Variants in VPS54 observed in about 807,000 individuals in gnomAD.
The protein encoded by VPS54 is VPS54 subunit of GARP complex.
Under a neutral mutation model 121.5 loss-of-function variants are expected in VPS54, and 45 were observed. The observed-to-expected ratio is 0.37, with a 90% CI of 0.29 to 0.47. The LOEUF (loss-of-function observed/expected upper bound fraction) is 0.47. Among genes scored for constraint, VPS54 ranks in the 20% least tolerant of loss-of-function variants. The probability of loss-of-function intolerance (pLI) is 0.99; values close to 1 mark genes in which losing one functional copy is unlikely to be tolerated. For synonymous variants in VPS54, 371 were observed against 385.8 expected (o/e 0.96, Z 0.45); for missense variants, 1,090 against 1,131.4 (o/e 0.96, Z 0.52).
intron 12 of VPS54, among the ~76,000 whole-genome samples, chr2:63,933,460 C>T (rs529911524): frequency 6.6e-6 from 1 of 152,274 alleles, no homozygotes; most frequent in South Asian, 2.1e-4. Flanking sequence ...AGTTCTTTTG[C>T]AATCTTAAAA....
At chr2:64,003,274 C>G (rs1677969598) in intron 1 of VPS54, among the ~76,000 whole-genome samples, 1 of 152,120 alleles carries the variant, frequency 6.6e-6, no homozygotes, top group Non-Finnish European at 1.5e-5. Context: ...AAGTTAACTA[C>G]CATCTAGAAA....
chr2:63,907,911 A>C (rs1672975193), intron 20 of VPS54, among the ~76,000 whole-genome samples: 2 of 152,226 alleles, frequency 1.3e-5, no homozygotes, highest in Admixed American at 6.5e-5. Flanking sequence ...TAAAAAATAA[A>C]GTGATGGTGA....
At chr2:63,967,415 G>C (rs745495850) in intron 5 of VPS54, among the ~76,000 whole-genome samples, 1 of 152,070 alleles carries the variant, frequency 6.6e-6, no homozygotes, top group Non-Finnish European at 1.5e-5. Context: ...CAAGGGATGT[G>C]ATAAAATATT....
At chr2:63,990,057 G>A (rs1677241185) in intron 1 of VPS54, among the ~76,000 whole-genome samples, 1 of 152,162 alleles carries the variant, frequency 6.6e-6, no homozygotes, top group African/African-American at 2.4e-5. Context: ...GGGTGATTGG[G>A]CCTTGGTACA....
chr2:63,910,207 C>T (rs919618404), intron 20 of VPS54, among the ~76,000 whole-genome samples: 1 of 152,024 alleles, frequency 6.6e-6, no homozygotes, highest in African/African-American at 2.4e-5. Flanking sequence ...TGAAAGCAAA[C>T]AGAATAGGGA....
intron 11 of VPS54, among the ~76,000 whole-genome samples, chr2:63,937,664 A>AGT (rs937843279): frequency 1.3e-5 from 2 of 152,162 alleles, no homozygotes; most frequent in Non-Finnish European, 2.9e-5. Context: ...AAGAACTAAA[A>AGT]GGGGGCCTCA....
At chr2:63,955,814 T>C (rs1675468674) in intron 7 of VPS54, among the ~76,000 whole-genome samples, 2 of 152,046 alleles carry the variant, frequency 1.3e-5, no homozygotes, top group Admixed American at 6.5e-5. Flanking sequence ...ACTTTGACAA[T>C]AGATGCAATA....
intron 20 of VPS54, among the ~76,000 whole-genome samples, chr2:63,910,010 G>T (rs6704544): frequency 6.6e-6 from 1 of 152,022 alleles, no homozygotes; most frequent in Non-Finnish European, 1.5e-5. Flanking sequence ...TTACAGGCTT[G>T]AGCCACCGTG....
At chr2:63,915,922 T>C (rs1163664180) in intron 16 of VPS54, among the ~76,000 whole-genome samples, 1 of 152,192 alleles carries the variant, frequency 6.6e-6, no homozygotes, top group Non-Finnish European at 1.5e-5. Flanking sequence ...TTAGAAGACA[T>C]ATACATAAAT....
chr2:63,967,967 G>C (rs1038229863), intron 5 of VPS54, among the ~76,000 whole-genome samples: 1 of 152,032 alleles, frequency 6.6e-6, no homozygotes, highest in Non-Finnish European at 1.5e-5. Context: ...GTAAAGCACA[G>C]AGCCATCAAA....
At chr2:63,914,717 A>C (rs2104437906) in intron 16 of VPS54, among the ~76,000 whole-genome samples, 1 of 152,274 alleles carries the variant, frequency 6.6e-6, no homozygotes, top group South Asian at 2.1e-4. Context: ...TAGGTCCTCC[A>C]TCATAACTAA....
chr2:63,982,760 A>G (rs1676857613), intron 2 of VPS54, among the ~76,000 whole-genome samples: 1 of 152,222 alleles, frequency 6.6e-6, no homozygotes, highest in Non-Finnish European at 1.5e-5. Flanking sequence ...ATCACCAACA[A>G]AAAGCTCCAA....
In VPS54 at chr2:63,893,440, T is replaced by C. The variant is rs1672311803; in HGVS notation, c.2924A>G (p.Gln975Arg). Residue 975 changes from glutamine (Q) to arginine (R), a missense_variant, in exon 23 of 23, where the codon CAG becomes CGG. Physicochemically the swap from Gln to Arg is conservative, Grantham distance 43. Around this residue, in one of 2 missense-constraint regions of VPS54, gnomAD observed 289 missense variants for 374.4 expected, o/e 0.77. Transcript: ENST00000272322. ...TTTTCCAGGATGACATCACCTCTTCTGCTCCCAAATTTCGGCCATATTTAG... is the reference window on the plus strand; with the variant it reads ...TTTTCCAGGATGACATCACCTCTTCCGCTCCCAAATTTCGGCCATATTTAG... ...LDLNMAEIWE[Q>R]KR The C allele has an allele frequency of 6.2e-7, 1 of 1,613,806 alleles. No homozygotes were observed. The highest frequency in any genetic ancestry group is 1.3e-5 in the African/African-American group (1 of 74,928).
intron 7 of VPS54, among the ~76,000 whole-genome samples, chr2:63,950,618 A>G (rs1387009849): frequency 6.6e-6 from 1 of 152,160 alleles, no homozygotes; most frequent in Non-Finnish European, 1.5e-5. Flanking sequence ...GCTGTTATTT[A>G]TCTTCTCCCT....
chr2:63,960,978 C>T (rs906265461), intron 7 of VPS54, among the ~76,000 whole-genome samples: 2 of 152,178 alleles, frequency 1.3e-5, no homozygotes, highest in African/African-American at 4.8e-5. Flanking sequence ...GTTTTCTTAA[C>T]CATCCAAGTC....
At chr2:63,941,326 G>A (rs995172544) in intron 11 of VPS54, among the ~76,000 whole-genome samples, 1 of 149,704 alleles carries the variant, frequency 6.7e-6, no homozygotes, top group African/African-American at 2.6e-5. Flanking sequence ...CTGGGGTTAG[G>A]TGATCATCCC....
chr2:63,996,658 G>T (rs1176605130), intron 1 of VPS54, among the ~76,000 whole-genome samples: 2 of 152,150 alleles, frequency 1.3e-5, no homozygotes, highest in African/African-American at 4.8e-5. Flanking sequence ...ATAATTAACA[G>T]CCCTGGGAAA....
At chr2:63,913,833 G>A (rs1673259143) in intron 17 of VPS54, 1 of 1,061,134 alleles carries the variant, frequency 9.4e-7, no homozygotes. Flanking sequence ...ACCTTAGTGA[G>A]ATGAATTTTG....
intron 1 of VPS54, among the ~76,000 whole-genome samples, chr2:64,002,116 T>C (rs1175542590): frequency 2.0e-5 from 3 of 152,202 alleles, no homozygotes; most frequent in Non-Finnish European, 4.4e-5. Flanking sequence ...TTTTGCTTTT[T>C]GCTGTTATAG....
Sources: gnomAD v4.1 joint callset for allele counts (sites outside exome capture counted in the v4.1 genomes callset) on GRCh38, gnomAD v4.1.1 for gene constraint, gnomAD v4.1.1 regional missense constraint, MANE v1.5 for transcripts, NCBI Gene and HGNC (gene_info 2026-07-23, HGNC 2026-07-21) for gene names.